The following FAM227B variants were observed in gnomAD, a reference collection of about 807,000 sequenced individuals.
FAM227B encodes the protein protein FAM227B.
Under a neutral mutation model 73.8 loss-of-function variants are expected in FAM227B, and 88 were observed. That is an observed-to-expected ratio of 1.19 (90% CI 1.00 to 1.42). FAM227B has a LOEUF of 1.42. Ranked by LOEUF, FAM227B falls within the 40% of genes most tolerant of loss-of-function variation. The pLI, the probability that FAM227B is intolerant of heterozygous loss-of-function variation, is 0.00. For missense variants in FAM227B, 632 were observed against 590.9 expected, an observed-to-expected ratio of 1.07 and a Z score of -0.72; for synonymous variants, 210 against 190.5, an observed-to-expected ratio of 1.10 and a Z score of -0.84.
rs1269445740 is a variant in FAM227B at position 49,606,386 on chromosome 15, C to T, written c.105+4829G>A. ...TCCGTATTATAATTGCCATCCCTAA[C>T]AATTAAAAACCTAGCTACCATTATC... is the stretch of plus-strand genomic sequence containing the variant. On this transcript the variant is annotated intron_variant, in intron 3 of 15. Coordinates refer to ENST00000299338, the MANE Select transcript of FAM227B (RefSeq NM_152647.3). 2.6e-5 allele frequency among the ~76,000 whole-genome samples: 4 copies of T among 152,228 alleles called. No individual in the cohort carries two copies. In the East Asian group the frequency reaches 5.8e-4, roughly 22 times the overall value.
intron 11 of FAM227B, among the ~76,000 whole-genome samples, chr15:49,427,919 A>G (rs1484695097): frequency 6.6e-6 from 1 of 152,048 alleles, no homozygotes; most frequent in Non-Finnish European, 1.5e-5. Flanking sequence ...TTAAAAAATT[A>G]CTTAAGCTAT....
chr15:49,390,825 CAT>C lies in FAM227B; in HGVS notation c.1013-19428_1013-19427del, dbSNP rs138091161. 5.6e-3 allele frequency among the ~76,000 whole-genome samples: 857 copies of C among 152,068 alleles called. 7 individuals are homozygous for C. The highest frequency in any genetic ancestry group is 0.02 in the African/African-American group (816 of 41,486). On this transcript the variant is annotated intron_variant, in intron 11 of 15. Coordinates refer to ENST00000299338, the MANE Select transcript of FAM227B (RefSeq NM_152647.3). Reference sequence around the variant, plus strand: ...TTTTAATACTAACAAAAACTTTAAACATGTGACAACCAGTATGAACTGACCTA... The same window carrying C: ...TTTTAATACTAACAAAAACTTTAAACGTGACAACCAGTATGAACTGACCTA...
At chr15:49,377,919 C>CA (rs1268207551) in intron 11 of FAM227B, among the ~76,000 whole-genome samples, 1 of 151,892 alleles carries the variant, frequency 6.6e-6, no homozygotes, top group Non-Finnish European at 1.5e-5. Flanking sequence ...GGGTGTTGCT[C>CA]AAAAAAATGT....
chr15:49,415,337 T>C (rs1239521432), intron 11 of FAM227B, among the ~76,000 whole-genome samples: 1 of 152,130 alleles, frequency 6.6e-6, no homozygotes, highest in African/African-American at 2.4e-5. Flanking sequence ...GAAGCAAAAT[T>C]CTCTCTGTGA....
intron 10 of FAM227B, among the ~76,000 whole-genome samples, chr15:49,519,241 G>A (rs1422102788): frequency 6.6e-6 from 1 of 152,122 alleles, no homozygotes; most frequent in African/African-American, 2.4e-5. Context: ...CTGCTTTCAT[G>A]GGTTGGCATT....
intron 8 of FAM227B, among the ~76,000 whole-genome samples, chr15:49,570,309 A>G (rs1264697933): frequency 1.3e-5 from 2 of 151,794 alleles, no homozygotes; most frequent in Admixed American, 6.6e-5. Flanking sequence ...CATCTTTTTG[A>G]TAACAGTCAT....
At chr15:49,409,901 T>TA (rs1444183975) in intron 11 of FAM227B, among the ~76,000 whole-genome samples, 1 of 152,162 alleles carries the variant, frequency 6.6e-6, no homozygotes, top group Non-Finnish European at 1.5e-5. Context: ...ATATATAAAA[T>TA]AGAGATATAT....
At chr15:49,355,253 G>C (rs923271982) in intron 13 of FAM227B, among the ~76,000 whole-genome samples, 1 of 152,226 alleles carries the variant, frequency 6.6e-6, no homozygotes, top group Non-Finnish European at 1.5e-5. Context: ...TGACTTTGAA[G>C]AGCTCAGAGA....
chr15:49,450,297 A>C (rs28375625), intron 11 of FAM227B, among the ~76,000 whole-genome samples: 81,113 of 151,830 alleles, frequency 0.53, 21,980 homozygotes, highest in Admixed American at 0.63. Context: ...TCAATACAAG[A>C]TAACTCTTTC....
intron 11 of FAM227B, among the ~76,000 whole-genome samples, chr15:49,490,347 G>A (rs982880311): frequency 6.6e-6 from 1 of 151,870 alleles, no homozygotes; most frequent in South Asian, 2.1e-4. Flanking sequence ...TTCTCAAACA[G>A]AGCAGCCAAA....
chr15:49,365,386 C>G, intron 13 of FAM227B: 1 of 1,208,350 alleles, frequency 8.3e-7, no homozygotes, highest in Non-Finnish European at 1.2e-6. Flanking sequence ...AGTATATATA[C>G]GAAGAACCAG....
intron 2 of FAM227B, among the ~76,000 whole-genome samples, 187 bp from the exon 3 acceptor site, chr15:49,611,455 T>C (rs1173643675): frequency 6.6e-6 from 1 of 152,178 alleles, no homozygotes; most frequent in Non-Finnish European, 1.5e-5. Context: ...GTTTAAGTTC[T>C]TAGCCTCCAA....
chr15:49,358,143 C>A (rs2043507665), intron 13 of FAM227B, among the ~76,000 whole-genome samples: 1 of 151,440 alleles, frequency 6.6e-6, no homozygotes, highest in Non-Finnish European at 1.5e-5. Flanking sequence ...ACTGAATGGG[C>A]AAAAACTGGA....
At chr15:49,421,518 T>G (rs1469670713) in intron 11 of FAM227B, among the ~76,000 whole-genome samples, 1 of 152,196 alleles carries the variant, frequency 6.6e-6, no homozygotes, top group African/African-American at 2.4e-5. Context: ...TAGCAGATAT[T>G]AAGGAGGCAC....
intron 14 of FAM227B, among the ~76,000 whole-genome samples, chr15:49,333,496 G>A (rs947475728): frequency 6.6e-6 from 1 of 152,138 alleles, no homozygotes; most frequent in Non-Finnish European, 1.5e-5. Context: ...ATGTGGATTT[G>A]ATTTTTGGAA....
intron 13 of FAM227B, among the ~76,000 whole-genome samples, chr15:49,355,399 G>A (rs922490843): frequency 6.6e-6 from 1 of 152,222 alleles, no homozygotes; most frequent in Non-Finnish European, 1.5e-5. Context: ...GCCTAAAGGA[G>A]CTAATGGAGC....
rs139448083 is a variant in FAM227B at position 49,474,286 on chromosome 15, C to T, written c.1012+33925G>A. ...GAATTCATACCGTATGAGAAAGGGC[C>T]AAAGAAACTAAGGATAATGGGAAGC... On this transcript the variant is annotated intron_variant, in intron 11 of 15. Transcript: ENST00000299338. 4.9e-3 allele frequency among the ~76,000 whole-genome samples: 738 copies of T among 152,130 alleles called. 9 individuals are homozygous for T. The highest frequency in any genetic ancestry group is 0.017 in the African/African-American group (701 of 41,498).
chr15:49,335,945 TG>T (rs1369357936), intron 13 of FAM227B, among the ~76,000 whole-genome samples: 1 of 152,186 alleles, frequency 6.6e-6, no homozygotes, highest in Non-Finnish European at 1.5e-5. Context: ...CTCAAACTCC[TG>T]GGCTCAAAGG....
intron 11 of FAM227B, among the ~76,000 whole-genome samples, chr15:49,491,738 T>C (rs895549905): frequency 6.6e-5 from 10 of 151,568 alleles, no homozygotes; most frequent in South Asian, 4.1e-4. Flanking sequence ...CACACACATA[T>C]ATATATGCAA....
Sources: allele counts gnomAD v4.1 joint callset (sites outside exome capture counted in the v4.1 genomes callset), GRCh38; gene constraint gnomAD v4.1.1; transcripts MANE v1.5; gene names NCBI Gene and HGNC (gene_info 2026-07-23, HGNC 2026-07-21).